SUPT5H: variants seen among roughly 807,000 people sequenced by gnomAD.
The protein encoded by SUPT5H is transcription elongation factor SPT5.
Under a neutral mutation model 142.5 loss-of-function variants are expected in SUPT5H, and 24 were observed. That is an observed-to-expected ratio of 0.17 (90% CI 0.12 to 0.24). The LOEUF (loss-of-function observed/expected upper bound fraction) is 0.24, where lower values mean the gene tolerates loss of function less well. Among genes scored for constraint, SUPT5H ranks in the 10% least tolerant of loss-of-function variants. The pLI, the probability that SUPT5H is intolerant of heterozygous loss-of-function variation, is 1.00. For synonymous variants in SUPT5H, 546 were observed against 553.0 expected (o/e 0.99, Z 0.18); for missense variants, 893 against 1,471.8 (o/e 0.61, Z 6.43).
Position 39,466,784 on chromosome 19 carries a change from G to C in SUPT5H, c.1037+39G>C, listed in dbSNP as rs2079244338. The C allele has an allele frequency of 6.2e-7, 1 of 1,605,340 alleles. No individual in the cohort carries two copies. Among genetic ancestry groups the C allele is most frequent in the African/African-American group, 1.3e-5 (1 of 74,752 alleles). On this transcript the variant is annotated intron_variant, in intron 13 of 29. Coordinates refer to ENST00000432763, the MANE Select transcript of SUPT5H (RefSeq NM_001111020.3). The surrounding 1 kb of genome is among the most constrained non-coding windows in gnomAD (Gnocchi z 4.3). Reference sequence around the variant, plus strand: ...GGGACTGGCTGGGCTGGGTCCCCAGGGCCGGTGTGTAGAATGTGCCTTTTG... The same window carrying C: ...GGGACTGGCTGGGCTGGGTCCCCAGCGCCGGTGTGTAGAATGTGCCTTTTG...
Position 39,471,599 on chromosome 19 carries a change from G to A in SUPT5H, c.1825-6G>A. ...TCAAGAGAGTGACCCTTCTCTCCCC[G>A]GCTAGGGCCGAGAAGGGGAGATTCG... On this transcript the variant is annotated splice_polypyrimidine_tract_variant and splice_region_variant and intron_variant, in intron 19 of 29. Coordinates refer to ENST00000432763, the MANE Select transcript of SUPT5H (RefSeq NM_001111020.3). 2 of 1,614,146 alleles carry A rather than the reference G, an allele frequency of 1.2e-6. No homozygotes were observed. The highest frequency in any genetic ancestry group is 1.7e-6 in the Non-Finnish European group (2 of 1,180,028).
chr19:39,474,481 C>T lies in SUPT5H; in HGVS notation c.2821-34C>T, dbSNP rs759906697. The stretch of plus-strand genomic sequence containing the variant: ...ATATAGGGTCGGCCAGGCCAGATGA[C>T]TATTCCCAATGACACTTCCTCTTTC... On this transcript the variant is annotated intron_variant, in intron 27 of 29. Transcript: ENST00000432763. The surrounding 1 kb of genome is among the most constrained non-coding windows in gnomAD (Gnocchi z 6.5). 1.2e-6 allele frequency: 2 copies of T among 1,612,846 alleles called. No homozygotes were observed. The highest frequency in any genetic ancestry group is 1.7e-6 in the Non-Finnish European group (2 of 1,179,106).
At chr19:39,471,905 G>C (rs1160074651) in intron 20 of SUPT5H, 175 bp downstream of exon 20, 6 of 892,774 alleles carry the variant, frequency 6.7e-6, no homozygotes, top group Non-Finnish European at 1.6e-6. Context: ...TGTTCACCAA[G>C]TTATTTTAAG....
Position 39,469,914 on chromosome 19 carries a change from T to C in SUPT5H, c.1375-205T>C, listed in dbSNP as rs1056607351. On this transcript the variant is annotated intron_variant, in intron 16 of 29. Transcript: ENST00000432763. This position sits in a 1 kb window ranked among gnomAD's most constrained non-coding sequence, Gnocchi z 5.1. ...TGAGGGCGGGCTGGGGTAAAGGTTG[T>C]CCAGGTTGGTGTCCTGTGTCTGGGG... The C allele has an allele frequency of 1.6e-6, 1 of 613,970 alleles. No individual in the cohort carries two copies. Among genetic ancestry groups the C allele is most frequent in the Non-Finnish European group, 2.8e-6 (1 of 359,958 alleles). The allele number at this position is 613,970 out of a possible 1,614,324, so 38.0% of individuals were successfully genotyped here.
chr19:39,470,166 G>T lies in SUPT5H; in HGVS notation c.1422G>T (p.Met474Ile). 6.2e-7 allele frequency: 1 copy of T among 1,613,036 alleles called. No individual in the cohort carries two copies. The highest frequency in any genetic ancestry group is 8.5e-7 in the Non-Finnish European group (1 of 1,179,446). Residue 474 changes from methionine to isoleucine, a missense_variant, in exon 17 of 30, where the codon ATG becomes ATT. Transcript: ENST00000432763. This position sits in a 1 kb window ranked among gnomAD's most constrained non-coding sequence, Gnocchi z 5.8. The part of the protein sequence containing the change: ...PAQELRKYFK[M>I]GDHVKVIAGR... ...AGGAACTTAGAAAATACTTCAAGAT[G>T]GGGGACCACGTGAAGGTGATTGCTG... is the stretch of plus-strand genomic sequence containing the variant.
chr19:39,469,727 G>A lies in SUPT5H; in HGVS notation c.1374+329G>A. 1 of 500,956 alleles carries A rather than the reference G, an allele frequency of 2.0e-6. No individual in the cohort carries two copies. The highest frequency in any genetic ancestry group is 3.3e-5 in the Admixed American group (1 of 30,416). The allele number at this position is 500,956 out of a possible 1,614,324, so 31.0% of individuals were successfully genotyped here. ...TGACTTTGTTTGCTTAGAGCGGGGT[G>A]TGTGTTTGTCTGTGTCTGGTGTATG... On this transcript the variant is annotated intron_variant, in intron 16 of 29. Transcript: ENST00000432763. This position sits in a 1 kb window ranked among gnomAD's most constrained non-coding sequence, Gnocchi z 5.1.
At chr19:39,459,820 G>T (rs1207092656) in intron 9 of SUPT5H, 72 bp from the exon 10 acceptor site, 1 of 1,531,756 alleles carries the variant, frequency 6.5e-7, no homozygotes, top group African/African-American at 1.4e-5. Context: ...TCTTGCTGCT[G>T]TCTCCTTCCC....
In SUPT5H at chr19:39,474,210, C is replaced by A. The variant is rs754054800; in HGVS notation, c.2652-24C>A. 2.5e-6 allele frequency: 4 copies of A among 1,613,740 alleles called. No individual in the cohort carries two copies. The African/African-American group carries it at 5.3e-5, about 22-fold the overall frequency. On this transcript the variant is annotated intron_variant, in intron 26 of 29. Transcript: ENST00000432763. The surrounding 1 kb of genome is among the most constrained non-coding windows in gnomAD (Gnocchi z 6.5). The stretch of plus-strand genomic sequence containing the variant: ...TTTCCCCTCCCTCCTCCAACAAATG[C>A]CCCCTTCTCTCCTGTCTCTGCAGGT...
intron 3 of SUPT5H, among the ~76,000 whole-genome samples, chr19:39,457,340 C>A (rs1447841194): frequency 1.3e-5 from 2 of 152,190 alleles, no homozygotes; most frequent in Non-Finnish European, 2.9e-5. Flanking sequence ...CATGAACCAT[C>A]TTTTAAAAAA....
In SUPT5H at chr19:39,458,738, C is replaced by T; in HGVS notation, c.320-80C>T. The T allele has an allele frequency of 7.2e-7, 1 of 1,381,276 alleles. No homozygotes were observed. 85.6% of individuals were successfully genotyped at this position (1,381,276 alleles called of 1,614,324 possible). ...TGCCCCAGGGCCAAACCCTGGCCCTCTTAGCTGCACGCTCCTATTTTCTCC... is the reference window on the plus strand; with the variant it reads ...TGCCCCAGGGCCAAACCCTGGCCCTTTTAGCTGCACGCTCCTATTTTCTCC... On this transcript the variant is annotated intron_variant, in intron 5 of 29. Transcript: ENST00000432763. This position sits in a 1 kb window ranked among gnomAD's most constrained non-coding sequence, Gnocchi z 4.2.
rs145017682 is a variant in SUPT5H, at chr19:39,473,311, A to C, written c.2367A>C (p.Ser789=). 1,665 of 1,613,888 alleles carry C rather than the reference A, an allele frequency of 1.0e-3. 2 individuals carry two copies. Among genetic ancestry groups the C allele is most frequent in the Non-Finnish European group, 8.7e-4 (1,026 of 1,179,958 alleles). ...GCTCCCGAACACCCATGTACGGCTC[A>C]CAGACACCCCTCCAGGATGGTGAGT... ...GSGSRTPMYG[S]QTPLQDGSRT... The change falls in exon 24 of 30, where the codon TCA becomes TCC. Residue 789 remains serine, a synonymous_variant. Transcript: ENST00000432763. This position sits in a 1 kb window ranked among gnomAD's most constrained non-coding sequence, Gnocchi z 5.8.
intron 2 of SUPT5H, among the ~76,000 whole-genome samples, chr19:39,450,565 G>A (rs893915038): frequency 6.6e-6 from 1 of 152,242 alleles, no homozygotes; most frequent in Non-Finnish European, 1.5e-5. Flanking sequence ...GGTGGGGAAC[G>A]GGGAGAGGCA....
In SUPT5H at chr19:39,466,633, C is replaced by T. The variant is rs764386119; in HGVS notation, c.967-42C>T. On this transcript the variant is annotated intron_variant, in intron 12 of 29. Coordinates refer to ENST00000432763, the MANE Select transcript of SUPT5H (RefSeq NM_001111020.3). This position sits in a 1 kb window ranked among gnomAD's most constrained non-coding sequence, Gnocchi z 4.3. ...TGCTCGATCCCACTGGTGGCCAAGCCCCCTCCCTCACCCTTCCCACCCATG... is the reference window on the plus strand; with the variant it reads ...TGCTCGATCCCACTGGTGGCCAAGCTCCCTCCCTCACCCTTCCCACCCATG... The T allele has an allele frequency of 1.2e-6, 2 of 1,612,952 alleles. No individual in the cohort carries two copies. The highest frequency in any genetic ancestry group is 8.5e-7 in the Non-Finnish European group (1 of 1,178,926).
rs775200535 is a variant in SUPT5H, at chr19:39,474,756, TC to T, written c.3024+39del. ...CAGGGTGGTGGGTGAGCAGGCATCC[TC>T]TCCTTGGTACCCCCTAAACTGGAGA... On this transcript the variant is annotated intron_variant, in intron 28 of 29. Coordinates refer to ENST00000432763, the MANE Select transcript of SUPT5H (RefSeq NM_001111020.3). The surrounding 1 kb of genome is among the most constrained non-coding windows in gnomAD (Gnocchi z 6.5). 8.7e-5 allele frequency: 136 copies of T among 1,569,486 alleles called. 1 individual carries two copies. In the African/African-American group the frequency reaches 1.7e-3, roughly 20 times the overall value.
chr19:39,453,614 T>C (rs967859926), intron 3 of SUPT5H, 93 bp downstream of exon 3: 4 of 1,389,656 alleles, frequency 2.9e-6, no homozygotes, highest in Non-Finnish European at 3.8e-6. Flanking sequence ...AGTCTCGCTC[T>C]GTCGCCCAGG....
chr19:39,459,052 CCAAGT>C lies in SUPT5H; in HGVS notation c.440_444del (p.Lys147IlefsTer11). 6.2e-7 allele frequency: 1 copy of C among 1,613,996 alleles called. No homozygotes were observed. Among genetic ancestry groups the C allele is most frequent in the Non-Finnish European group, 8.5e-7 (1 of 1,179,998 alleles). ...GGCGAGTATTACATGAAGAAATACG[CCAAGT>C]CATCTGTGGGAGAGACGTAAGGGCA... On this transcript the variant is annotated frameshift_variant, in exon 7 of 30. Transcript: ENST00000432763. LOFTEE classifies it high-confidence loss of function.
rs1198893688 is a variant in SUPT5H at position 39,445,836 on chromosome 19, A to C, written c.-55A>C. The C allele has an allele frequency of 2.3e-5, 36 of 1,591,902 alleles. No individual in the cohort carries two copies. Among genetic ancestry groups the C allele is most frequent in the Non-Finnish European group, 3.0e-5 (35 of 1,167,218 alleles). ...GCGGGGAAACTGAGGCTCGGGGTGG[A>C]GCGCAGGATTGTGGGACGCGCCAAG... is the stretch of plus-strand genomic sequence containing the variant. On this transcript the variant is annotated 5_prime_UTR_variant, in exon 2 of 30. Coordinates refer to ENST00000432763, the MANE Select transcript of SUPT5H (RefSeq NM_001111020.3).
At position 39,458,143 on chromosome 19, in the gene SUPT5H, T is replaced by C; in HGVS notation, c.308-151T>C. ...GGTGCCTGGCCTTTACTTTTGGTTT[T>C]CAACCTTTCTGTGTCCCTCCCTTCC... On this transcript the variant is annotated intron_variant, in intron 4 of 29. Coordinates refer to ENST00000432763, the MANE Select transcript of SUPT5H (RefSeq NM_001111020.3). The surrounding 1 kb of genome is among the most constrained non-coding windows in gnomAD (Gnocchi z 4.2). 1 of 1,361,440 alleles carries C rather than the reference T, an allele frequency of 7.3e-7. No individual in the cohort carries two copies. The highest frequency in any genetic ancestry group is 1.4e-5 in the South Asian group (1 of 70,218). 84.3% of individuals were successfully genotyped at this position (1,361,440 alleles called of 1,614,324 possible).
chr19:39,454,352 CGTTG>C (rs751514763), intron 3 of SUPT5H, among the ~76,000 whole-genome samples: 1 of 91,438 alleles, frequency 1.1e-5, no homozygotes, highest in East Asian at 2.9e-4. Flanking sequence ...TTGTTGTTGT[CGTTG>C]TTTTTTTTTT....
Sources: allele counts gnomAD v4.1 joint callset (sites outside exome capture counted in the v4.1 genomes callset), GRCh38; gene constraint gnomAD v4.1.1; non-coding constraint Gnocchi (gnomAD v3.1); transcripts MANE v1.5; gene names NCBI Gene and HGNC (gene_info 2026-07-23, HGNC 2026-07-21).